Variants in EBF1 observed in about 807,000 individuals in gnomAD.
EBF1 encodes the protein EBF transcription factor 1.
EBF1 carries 10 observed loss-of-function variants against 68.4 expected under a neutral mutation model. The observed-to-expected ratio is 0.15, with a 90% CI of 0.09 to 0.25. The LOEUF is 0.25. Ranked by LOEUF, EBF1 falls within the 10% of genes least tolerant of loss-of-function variation. The pLI is 1.00. For missense variants in EBF1, 509 were observed against 794.4 expected, an observed-to-expected ratio of 0.64 and a Z score of 4.32; for synonymous variants, 298 against 299.8, an observed-to-expected ratio of 0.99 and a Z score of 0.06.
At chr5:158,999,966 C>G (rs955918284) in intron 6 of EBF1, among the ~76,000 whole-genome samples, 2 of 152,188 alleles carry the variant, frequency 1.3e-5, no homozygotes, top group Non-Finnish European at 2.9e-5. Flanking sequence ...CTCAAATGTG[C>G]TCCTGCAGAA....
intron 6 of EBF1, among the ~76,000 whole-genome samples, chr5:159,029,753 G>A (rs1768388360): frequency 6.6e-6 from 1 of 152,100 alleles, no homozygotes; most frequent in East Asian, 1.9e-4. Context: ...TCAGGAATTC[G>A]AGACCAGCCT....
chr5:158,911,793 C>T (rs1284280247), intron 6 of EBF1, among the ~76,000 whole-genome samples: 1 of 152,176 alleles, frequency 6.6e-6, no homozygotes, highest in Non-Finnish European at 1.5e-5. Context: ...ACTCCACATG[C>T]CCTACTTGGC....
chr5:158,835,676 T>C (rs1788612452), intron 7 of EBF1, among the ~76,000 whole-genome samples: 2 of 151,582 alleles, frequency 1.3e-5, no homozygotes, highest in Admixed American at 6.6e-5. Context: ...CTATGGACAA[T>C]TTTTTTTTGT....
At chr5:158,834,577 G>A (rs1788313176) in intron 7 of EBF1, among the ~76,000 whole-genome samples, 1 of 151,470 alleles carries the variant, frequency 6.6e-6, no homozygotes, top group South Asian at 2.1e-4. Context: ...TATGAACACA[G>A]CCCAGCTCTG....
At position 158,942,106 on chromosome 5, in the gene EBF1, A is replaced by G. The variant is rs140466249; in HGVS notation, c.555-101996T>C. Among the ~76,000 whole-genome samples the G allele has an allele frequency of 1.2e-3, 182 of 152,370 alleles. 1 individual carries two copies. Among genetic ancestry groups the G allele is most frequent in the African/African-American group, 4.1e-3 (170 of 41,586 alleles). ...GGTAAAAATTCAGATATTAATACAT[A>G]TATCATTTAGGGGATTTCTCTGACA... On this transcript the variant is annotated intron_variant, in intron 6 of 15. Coordinates refer to ENST00000313708, the MANE Select transcript of EBF1 (RefSeq NM_024007.5).
intron 10 of EBF1, among the ~76,000 whole-genome samples, chr5:158,741,896 C>T (rs919884209): frequency 6.6e-6 from 1 of 152,222 alleles, no homozygotes; most frequent in African/African-American, 2.4e-5. Context: ...GTGCCAGGCA[C>T]TTTATATGGA....
At chr5:159,035,980 G>C (rs559596002) in intron 6 of EBF1, among the ~76,000 whole-genome samples, 2 of 152,166 alleles carry the variant, frequency 1.3e-5, no homozygotes, top group Non-Finnish European at 2.9e-5. Flanking sequence ...GACCCCCAGT[G>C]GTGGGGGACA....
intron 8 of EBF1, among the ~76,000 whole-genome samples, chr5:158,822,105 C>A (rs931397459): frequency 2.0e-5 from 3 of 152,068 alleles, no homozygotes; most frequent in Non-Finnish European, 4.4e-5. Flanking sequence ...ATCAGGTGAT[C>A]ATTTGTGTGG....
intron 6 of EBF1, among the ~76,000 whole-genome samples, chr5:158,935,131 T>C (rs1037008427): frequency 2.6e-5 from 4 of 152,212 alleles, no homozygotes; most frequent in Non-Finnish European, 5.9e-5. Flanking sequence ...CAGTTTTTGT[T>C]TGGCCTCAAT....
chr5:158,898,142 A>G (rs1046288335), intron 6 of EBF1, among the ~76,000 whole-genome samples: 1 of 152,170 alleles, frequency 6.6e-6, no homozygotes, highest in African/African-American at 2.4e-5. Flanking sequence ...CATTTTTTTT[A>G]AATATCAAAA....
At chr5:158,909,180 G>A (rs1160749248) in intron 6 of EBF1, among the ~76,000 whole-genome samples, 1 of 152,122 alleles carries the variant, frequency 6.6e-6, no homozygotes, top group Non-Finnish European at 1.5e-5. Flanking sequence ...GATGTGAAAT[G>A]CACGAAGGTG....
chr5:158,763,089 T>G lies in EBF1; in HGVS notation c.1036+14324A>C, dbSNP rs766948153. On this transcript the variant is annotated intron_variant, in intron 10 of 15. Transcript: ENST00000313708. ...TCTCTCTCATTGGCCCTTAATGATT[T>G]GCCTCTAAACCCACTAAGCAGAAGA... Among the ~76,000 whole-genome samples, 74 of 152,160 alleles carry G rather than the reference T, an allele frequency of 4.9e-4. 1 individual carries two copies. The highest frequency in any genetic ancestry group is 1.0e-3 in the Non-Finnish European group (68 of 68,024).
At chr5:158,988,030 A>C (rs1759451083) in intron 6 of EBF1, among the ~76,000 whole-genome samples, 1 of 152,180 alleles carries the variant, frequency 6.6e-6, no homozygotes, top group Admixed American at 6.5e-5. Context: ...ACCGTTTATA[A>C]CACAGACAAC....
chr5:158,865,171 A>T (rs1280031143), intron 6 of EBF1, among the ~76,000 whole-genome samples: 3 of 152,136 alleles, frequency 2.0e-5, no homozygotes, highest in Non-Finnish European at 4.4e-5. Context: ...TCAAGATAGG[A>T]TTCACAAACC....
At chr5:158,938,381 G>A (rs1049788738) in intron 6 of EBF1, among the ~76,000 whole-genome samples, 4 of 152,096 alleles carry the variant, frequency 2.6e-5, no homozygotes, top group African/African-American at 9.7e-5. Flanking sequence ...GCTATTTAGG[G>A]TTTTCCAAAC....
chr5:158,770,088 C>G (rs1253373979), intron 10 of EBF1, among the ~76,000 whole-genome samples: 4 of 152,114 alleles, frequency 2.6e-5, no homozygotes, highest in Non-Finnish European at 5.9e-5. Flanking sequence ...GAATATTACG[C>G]TATGCAAAAT....
At chr5:158,800,696 G>C (rs937568962) in intron 8 of EBF1, among the ~76,000 whole-genome samples, 2 of 152,130 alleles carry the variant, frequency 1.3e-5, no homozygotes, top group African/African-American at 4.8e-5. Flanking sequence ...AAGCAGCCAA[G>C]GACTTGTTTC....
intron 10 of EBF1, among the ~76,000 whole-genome samples, chr5:158,739,019 A>T (rs967978121): frequency 2.6e-5 from 4 of 152,130 alleles, no homozygotes; most frequent in African/African-American, 9.7e-5. Flanking sequence ...CCACCCTAGT[A>T]TTTTAAATTT....
At chr5:158,781,793 C>A (rs1181773144) in intron 9 of EBF1, among the ~76,000 whole-genome samples, 4 of 152,124 alleles carry the variant, frequency 2.6e-5, no homozygotes, top group African/African-American at 9.7e-5. Flanking sequence ...TACACTATTA[C>A]AACAGTAGGA....
Sources: allele counts gnomAD v4.1 joint callset (sites outside exome capture counted in the v4.1 genomes callset), GRCh38; gene constraint gnomAD v4.1.1; transcripts MANE v1.5; gene names NCBI Gene and HGNC (gene_info 2026-07-23, HGNC 2026-07-21).